TBC1D22A: variants seen among roughly 807,000 people sequenced by gnomAD.
The protein encoded by TBC1D22A is putative GTPase activator.
TBC1D22A carries 38 observed loss-of-function variants against 60.2 expected under a neutral mutation model. That is an observed-to-expected ratio of 0.63 (90% CI 0.49 to 0.83). The LOEUF is 0.83. Ranked by LOEUF, TBC1D22A falls within the 40% of genes least tolerant of loss-of-function variation. The pLI is 0.00. For missense variants in TBC1D22A, 628 were observed against 701.0 expected, an observed-to-expected ratio of 0.90 and a Z score of 1.18; for synonymous variants, 302 against 281.7, an observed-to-expected ratio of 1.07 and a Z score of -0.72.
intron 4 of TBC1D22A, among the ~76,000 whole-genome samples, chr22:46,852,148 G>T (rs537025839): frequency 2.6e-5 from 4 of 152,216 alleles, no homozygotes; most frequent in Admixed American, 6.5e-5. Flanking sequence ...TATTTGGGGG[G>T]ATGTCGTGGG....
At chr22:47,058,175 G>C (rs1328241308) in intron 11 of TBC1D22A, among the ~76,000 whole-genome samples, 1 of 152,250 alleles carries the variant, frequency 6.6e-6, no homozygotes, top group Non-Finnish European at 1.5e-5. Flanking sequence ...GGACTCCTGT[G>C]TCTGGCCCAG....
At chr22:46,903,972 C>G (rs2069198581) in intron 7 of TBC1D22A, among the ~76,000 whole-genome samples, 1 of 152,032 alleles carries the variant, frequency 6.6e-6, no homozygotes, top group Non-Finnish European at 1.5e-5. Flanking sequence ...TAATTTTTAC[C>G]CAGACCCCTT....
At chr22:47,038,185 C>G (rs1003709937) in intron 11 of TBC1D22A, among the ~76,000 whole-genome samples, 2 of 152,214 alleles carry the variant, frequency 1.3e-5, no homozygotes, top group African/African-American at 4.8e-5. Context: ...CAAATCTCTA[C>G]AGAGTGCTAA....
intron 12 of TBC1D22A, among the ~76,000 whole-genome samples, chr22:47,133,645 C>G (rs6007607): frequency 0.43 from 65,375 of 152,082 alleles, 14,481 homozygotes; most frequent in South Asian, 0.56. Context: ...GTCCCTTCTG[C>G]CTGGGACTTA....
intron 1 of TBC1D22A, among the ~76,000 whole-genome samples, chr22:46,772,920 A>C (rs1410671095): frequency 6.6e-6 from 1 of 152,152 alleles, no homozygotes. Flanking sequence ...GAGCCACTGC[A>C]TGTGGCCACA....
intron 11 of TBC1D22A, among the ~76,000 whole-genome samples, chr22:47,064,086 A>G (rs2063677344): frequency 6.6e-6 from 1 of 152,160 alleles, no homozygotes; most frequent in African/African-American, 2.4e-5. Flanking sequence ...CAGGGAGGCC[A>G]CGTTCACAGG....
chr22:46,876,611 A>T (rs1197697540), intron 4 of TBC1D22A, among the ~76,000 whole-genome samples: 1 of 152,134 alleles, frequency 6.6e-6, no homozygotes, highest in Non-Finnish European at 1.5e-5. Context: ...GGGGAAGAGG[A>T]GTGGGTTGCC....
chr22:46,920,127 C>G (rs923091650), intron 8 of TBC1D22A, among the ~76,000 whole-genome samples: 2 of 151,854 alleles, frequency 1.3e-5, no homozygotes, highest in African/African-American at 2.4e-5. Flanking sequence ...ATTGCCTAGG[C>G]TAAGTGCACT....
At chr22:47,034,155 C>T (rs1230641146) in intron 10 of TBC1D22A, among the ~76,000 whole-genome samples, 1 of 152,178 alleles carries the variant, frequency 6.6e-6, no homozygotes, top group Non-Finnish European at 1.5e-5. Context: ...TTTAATAAAG[C>T]GGCAGTGGAT....
chr22:46,875,557 TTC>T (rs1371908373), intron 4 of TBC1D22A, among the ~76,000 whole-genome samples: 2 of 152,090 alleles, frequency 1.3e-5, no homozygotes, highest in African/African-American at 4.8e-5. Context: ...GTTCAAGTGA[TTC>T]TCCTGTCTTA....
At chr22:47,119,769 A>C (rs2066206447) in intron 12 of TBC1D22A, among the ~76,000 whole-genome samples, 1 of 152,228 alleles carries the variant, frequency 6.6e-6, no homozygotes, top group Non-Finnish European at 1.5e-5. Flanking sequence ...TGCTGGGATT[A>C]CAGGCATGAG....
chr22:47,042,733 C>T (rs1022082102), intron 11 of TBC1D22A, among the ~76,000 whole-genome samples: 4 of 152,232 alleles, frequency 2.6e-5, no homozygotes, highest in South Asian at 2.1e-4. Context: ...CAGACCCCTG[C>T]GGGCCTTGAG....
chr22:47,095,769 G>C (rs2065147715), intron 11 of TBC1D22A, among the ~76,000 whole-genome samples: 2 of 152,236 alleles, frequency 1.3e-5, no homozygotes, highest in Admixed American at 1.3e-4. Context: ...GGAGACCCTT[G>C]AGAGGAAGGT....
chr22:46,846,676 G>A (rs2087010317), intron 4 of TBC1D22A, among the ~76,000 whole-genome samples: 1 of 152,108 alleles, frequency 6.6e-6, no homozygotes, highest in Non-Finnish European at 1.5e-5. Flanking sequence ...GATTCGGCGG[G>A]TATCAAGATA....
At chr22:47,106,817 G>A (rs956493966) in intron 11 of TBC1D22A, among the ~76,000 whole-genome samples, 3 of 152,144 alleles carry the variant, frequency 2.0e-5, no homozygotes, top group African/African-American at 7.2e-5. Context: ...TTAAGAGATC[G>A]AGACCATCCT....
At chr22:47,156,677 T>C (rs919919232) in intron 12 of TBC1D22A, among the ~76,000 whole-genome samples, 3 of 151,718 alleles carry the variant, frequency 2.0e-5, no homozygotes, top group Non-Finnish European at 4.4e-5. Flanking sequence ...CTCCTGGGGG[T>C]GTCCCTCTCT....
chr22:47,117,725 T>C (rs926854946), intron 12 of TBC1D22A, among the ~76,000 whole-genome samples: 2 of 152,252 alleles, frequency 1.3e-5, no homozygotes, highest in African/African-American at 2.4e-5. Context: ...CTGTGCACTT[T>C]CCTGTCTTTG....
intron 11 of TBC1D22A, among the ~76,000 whole-genome samples, chr22:47,039,290 A>G (rs192423133): frequency 6.6e-6 from 1 of 152,144 alleles, no homozygotes; most frequent in African/African-American, 2.4e-5. Context: ...AAACCTCTTC[A>G]TATCTTAAGA....
At chr22:46,945,182 G>A (rs2072455746) in intron 8 of TBC1D22A, among the ~76,000 whole-genome samples, 1 of 152,170 alleles carries the variant, frequency 6.6e-6, no homozygotes, top group African/African-American at 2.4e-5. Flanking sequence ...AAAACTACTG[G>A]TGGGTTTTTG....
Sources: allele counts gnomAD v4.1 joint callset (sites outside exome capture counted in the v4.1 genomes callset), GRCh38; gene constraint gnomAD v4.1.1; transcripts MANE v1.5; gene names NCBI Gene and HGNC (gene_info 2026-07-23, HGNC 2026-07-21).